Variants in RBFOX1 observed in about 807,000 individuals in gnomAD.
The protein encoded by RBFOX1 is RNA binding protein fox-1 homolog 1.
Under a neutral mutation model 57.7 loss-of-function variants are expected in RBFOX1, and 8 were observed. That is an observed-to-expected ratio of 0.14 (90% CI 0.08 to 0.25). The LOEUF (loss-of-function observed/expected upper bound fraction) is 0.25. RBFOX1 is among the 10% of genes least tolerant of loss of function. The pLI is 1.00. For synonymous variants in RBFOX1, 326 were observed against 222.4 expected, an observed-to-expected ratio of 1.47 and a Z score of -4.15; for missense variants, 611 against 548.5, an observed-to-expected ratio of 1.11 and a Z score of -1.14.
chr16:6,631,613 G>A (rs1469337721), intron 2 of RBFOX1, among the ~76,000 whole-genome samples: 1 of 152,164 alleles, frequency 6.6e-6, no homozygotes, highest in East Asian at 1.9e-4. Flanking sequence ...GCTAGTTGAT[G>A]TGGAGATAGA....
intron 3 of RBFOX1, among the ~76,000 whole-genome samples, chr16:5,749,275 T>G (rs530743872): frequency 2.0e-5 from 3 of 152,308 alleles, no homozygotes; most frequent in Middle Eastern, 3.4e-3. Context: ...TAACCCGACC[T>G]TTCTCTCTGG....
At chr16:6,190,639 T>C (rs185908495) in intron 1 of RBFOX1, among the ~76,000 whole-genome samples, 1 of 152,280 alleles carries the variant, frequency 6.6e-6, no homozygotes, top group East Asian at 1.9e-4. Flanking sequence ...GCCTAACATT[T>C]TGCTTTTGGG....
chr16:5,603,533 G>T (rs2047437966), downstream of RBFOX1, among the ~76,000 whole-genome samples: 1 of 152,192 alleles, frequency 6.6e-6, no homozygotes, highest in South Asian at 2.1e-4. Context: ...GTTAATTCCA[G>T]AGTCATCAGG....
chr16:6,807,247 C>T (rs560886171), intron 3 of RBFOX1, among the ~76,000 whole-genome samples: 18 of 152,142 alleles, frequency 1.2e-4, no homozygotes, highest in African/African-American at 4.3e-4. Context: ...CTGATGCCCT[C>T]TTAAACTAAG....
intron 4 of RBFOX1, among the ~76,000 whole-genome samples, chr16:6,008,005 G>C (rs910830552): frequency 6.6e-6 from 1 of 152,068 alleles, no homozygotes; most frequent in Admixed American, 6.6e-5. Flanking sequence ...TTGAGGTCAG[G>C]AGTTTTTCAC....
intron 1 of RBFOX1, among the ~76,000 whole-genome samples, chr16:6,021,364 A>G (rs4786074): frequency 0.38 from 57,182 of 151,966 alleles, 11,144 homozygotes; most frequent in South Asian, 0.46. Flanking sequence ...GAGAAAAAAA[A>G]GATGAGAGGG....
At chr16:6,636,947 T>C (rs1313210818) in intron 2 of RBFOX1, among the ~76,000 whole-genome samples, 1 of 128,518 alleles carries the variant, frequency 7.8e-6, no homozygotes, top group Non-Finnish European at 1.6e-5. Context: ...ACATAAAATA[T>C]ACATAAAATA....
At chr16:7,630,573 C>T in intron 10 of RBFOX1, 30 bp from the exon 11 acceptor site, 1 of 1,613,502 alleles carries the variant, frequency 6.2e-7, no homozygotes, top group South Asian at 1.1e-5. Flanking sequence ...GATTCCCAAA[C>T]CAGATACCAT....
intron 3 of RBFOX1, among the ~76,000 whole-genome samples, chr16:5,678,664 A>C (rs1219717661): frequency 6.6e-6 from 1 of 152,180 alleles, no homozygotes; most frequent in Non-Finnish European, 1.5e-5. Flanking sequence ...ACCTCAGCTG[A>C]GGTCTCTGCT....
At chr16:6,734,534 A>G (rs1167243602) in intron 3 of RBFOX1, among the ~76,000 whole-genome samples, 1 of 151,894 alleles carries the variant, frequency 6.6e-6, no homozygotes, top group Non-Finnish European at 1.5e-5. Flanking sequence ...CTCCCAAAGT[A>G]CAAATGGCCC....
chr16:7,064,958 T>G (rs191859671), intron 4 of RBFOX1, among the ~76,000 whole-genome samples: 1 of 152,312 alleles, frequency 6.6e-6, no homozygotes, highest in East Asian at 1.9e-4. Flanking sequence ...GGGATAGAGA[T>G]GATGTCCTTG....
chr16:5,784,159 C>A (rs2054418680), intron 3 of RBFOX1, among the ~76,000 whole-genome samples: 1 of 152,174 alleles, frequency 6.6e-6, no homozygotes, highest in Non-Finnish European at 1.5e-5. Context: ...CGGTGGCTCA[C>A]GCCTATAATC....
chr16:6,704,332 G>A (rs537830431), intron 3 of RBFOX1: 5 of 152,212 alleles, frequency 3.3e-5, no homozygotes, highest in African/African-American at 4.8e-5. Flanking sequence ...ACCCCACTTT[G>A]TAGACACAAT....
chr16:7,625,321 A>G (rs1425980129), intron 10 of RBFOX1, among the ~76,000 whole-genome samples: 2 of 152,142 alleles, frequency 1.3e-5, no homozygotes, highest in Non-Finnish European at 2.9e-5. Context: ...TTGCCCACCC[A>G]GCCCTTCGAG....
intron 3 of RBFOX1, among the ~76,000 whole-genome samples, chr16:6,820,993 G>A (rs6500844): frequency 0.53 from 79,856 of 152,078 alleles, 21,716 homozygotes; most frequent in Non-Finnish European, 0.6. Flanking sequence ...ACAGTTACTT[G>A]TAAGGGAGTC....
chr16:6,634,624 T>G (rs2154064131), intron 2 of RBFOX1, among the ~76,000 whole-genome samples: 1 of 146,412 alleles, frequency 6.8e-6, no homozygotes, highest in Non-Finnish European at 1.5e-5. Flanking sequence ...ATTAAAGTAT[T>G]ATATAAATGG....
chr16:7,391,432 G>A (rs1388800363), intron 4 of RBFOX1, among the ~76,000 whole-genome samples: 1 of 152,164 alleles, frequency 6.6e-6, no homozygotes, highest in African/African-American at 2.4e-5. Context: ...CACCGCAAGA[G>A]CTCTGCTATG....
At chr16:6,735,448 T>A (rs988598132) in intron 3 of RBFOX1, among the ~76,000 whole-genome samples, 1 of 152,226 alleles carries the variant, frequency 6.6e-6, no homozygotes, top group African/African-American at 2.4e-5. Flanking sequence ...TCTTAGTCTC[T>A]GCAGTGCCTG....
chr16:6,653,794 A>G (rs1217799948), intron 2 of RBFOX1, among the ~76,000 whole-genome samples: 3 of 151,282 alleles, frequency 2.0e-5, no homozygotes, highest in Middle Eastern at 6.5e-3. Flanking sequence ...GGGTGGATGG[A>G]TGGATGAGTA....
Sources: allele counts gnomAD v4.1 joint callset (sites outside exome capture counted in the v4.1 genomes callset), GRCh38; gene constraint gnomAD v4.1.1; transcripts MANE v1.5; gene names NCBI Gene and HGNC (gene_info 2026-07-23, HGNC 2026-07-21).